The following PRUNE1 variants were observed in gnomAD, a reference collection of about 807,000 sequenced individuals.
PRUNE1 encodes the protein exopolyphosphatase PRUNE1.
Under a neutral mutation model 42.5 loss-of-function variants are expected in PRUNE1, and 25 were observed. The observed-to-expected ratio is 0.59, with a 90% CI of 0.43 to 0.82. The LOEUF is 0.82. Ranked by LOEUF, PRUNE1 falls within the 40% of genes least tolerant of loss-of-function variation. The pLI is 0.00. For missense variants in PRUNE1, 443 were observed against 539.3 expected (o/e 0.82, Z 1.77); for synonymous variants, 203 against 217.1 (o/e 0.93, Z 0.57).
At chr1:151,013,279 G>A (rs1458032507) in intron 1 of PRUNE1, among the ~76,000 whole-genome samples, 1 of 152,154 alleles carries the variant, frequency 6.6e-6, no homozygotes. Flanking sequence ...GGTGACAGTG[G>A]GTGTTGACAG....
rs1338031856 is a variant in PRUNE1, at chr1:151,008,477, G to C, written c.-156G>C. 2.6e-6 allele frequency: 3 copies of C among 1,175,866 alleles called. No homozygotes were observed. The highest frequency in any genetic ancestry group is 2.5e-6 in the Non-Finnish European group (2 of 803,736). The allele number at this position is 1,175,866 out of a possible 1,614,324, so 72.8% of individuals were successfully genotyped here. ...CGCTTACGCAGTTCCTCCCGGGGTCGGAGGCCGATTCGCCGTGTGGCGGGT... is the reference window on the plus strand; with the variant it reads ...CGCTTACGCAGTTCCTCCCGGGGTCCGAGGCCGATTCGCCGTGTGGCGGGT... On this transcript the variant is annotated 5_prime_UTR_variant, in exon 1 of 8. Transcript: ENST00000271620.
rs1452345815 is a variant in PRUNE1 at position 151,035,248 on chromosome 1, T to A, written c.*1014T>A. 1 of 152,260 alleles carries A rather than the reference T, an allele frequency of 6.6e-6. No homozygotes were observed. Among genetic ancestry groups the A allele is most frequent in the African/African-American group, 2.4e-5 (1 of 41,454 alleles). The allele number at this position is 152,260 out of a possible 1,614,324, so 9.4% of individuals were successfully genotyped here. A position where few individuals can be genotyped will look rare whatever the true frequency, so the allele number is the denominator to read the frequency against. ...CTGCCTCTTGCTGCCATTCTTTCTC[T>A]CCTCTGCTTCTCTGTATTTTTCTTC... is the stretch of plus-strand genomic sequence containing the variant. On this transcript the variant is annotated 3_prime_UTR_variant, in exon 8 of 8. Transcript: ENST00000271620.
At chr1:151,014,447 A>C (rs760588406) in intron 1 of PRUNE1, among the ~76,000 whole-genome samples, 1 of 152,072 alleles carries the variant, frequency 6.6e-6, no homozygotes, top group Non-Finnish European at 1.5e-5. Flanking sequence ...TAAAAACAAA[A>C]ACCTATCTCG....
At chr1:151,016,798 A>G (rs4418603) in intron 1 of PRUNE1, among the ~76,000 whole-genome samples, 13,486 of 150,154 alleles carry the variant, frequency 0.09, 747 homozygotes, top group African/African-American at 0.16. Flanking sequence ...CACCACGCCC[A>G]GCCCTGGACT....
intron 7 of PRUNE1, among the ~76,000 whole-genome samples, 165 bp from the exon 8 acceptor site, chr1:151,033,641 C>G (rs185111354): frequency 1.3e-5 from 2 of 148,710 alleles, no homozygotes; most frequent in Admixed American, 6.7e-5. Flanking sequence ...CCACCCGCCT[C>G]GGCCTCCCAA....
intron 1 of PRUNE1, among the ~76,000 whole-genome samples, chr1:151,016,012 G>A (rs922617680): frequency 3.9e-5 from 6 of 152,068 alleles, no homozygotes; most frequent in African/African-American, 9.7e-5. Context: ...TGAGGTGGGC[G>A]GATCACTGGA....
At chr1:151,024,530 G>A (rs1007955408) in intron 3 of PRUNE1, 81 bp from the exon 4 acceptor site, 16 of 1,310,522 alleles carry the variant, frequency 1.2e-5, no homozygotes, top group Middle Eastern at 3.8e-4. Context: ...TCCTTGATGT[G>A]TGGGGTAGAG....
intron 5 of PRUNE1, among the ~76,000 whole-genome samples, chr1:151,026,847 C>CTTTTT (rs766393235): frequency 2.4e-4 from 31 of 128,604 alleles, no homozygotes; most frequent in African/African-American, 4.0e-4. Context: ...TTCTTTCTTT[C>CTTTTT]TTTTTTTTTT....
intron 1 of PRUNE1, 99 bp downstream of exon 1, chr1:151,008,770 G>A: frequency 7.4e-7 from 1 of 1,356,896 alleles, no homozygotes; most frequent in Non-Finnish European, 1.1e-6. Context: ...CGTGTGGAGG[G>A]AACACTGAGT....
At chr1:151,027,185 G>T in intron 5 of PRUNE1, 48 bp from the exon 6 acceptor site, 1 of 1,428,836 alleles carries the variant, frequency 7.0e-7, no homozygotes, top group South Asian at 1.2e-5. Flanking sequence ...TTGGTCTTGG[G>T]ACCCTGGCCT....
At chr1:151,012,609 G>T (rs587756475) in intron 1 of PRUNE1, among the ~76,000 whole-genome samples, 58 of 152,190 alleles carry the variant, frequency 3.8e-4, no homozygotes, top group Admixed American at 1.4e-3. Flanking sequence ...TGTTCAGGAA[G>T]GCTTCACAGA....
chr1:151,024,582 C>A (rs1271872318), intron 3 of PRUNE1, 29 bp from the exon 4 acceptor site: 2 of 1,563,916 alleles, frequency 1.3e-6, no homozygotes, highest in African/African-American at 1.4e-5. Context: ...TATCTTTCTT[C>A]CTCTTTTCCC....
In PRUNE1 at chr1:151,027,222, C is replaced by T; in HGVS notation, c.680-11C>T. 1 of 1,590,610 alleles carries T rather than the reference C, an allele frequency of 6.3e-7. No homozygotes were observed. Among genetic ancestry groups the T allele is most frequent in the East Asian group, 2.2e-5 (1 of 44,696 alleles). On this transcript the variant is annotated splice_polypyrimidine_tract_variant and intron_variant, in intron 5 of 7. Transcript: ENST00000271620. ...CCCTGTTTGACCCCTAGTCTCTCAT[C>T]TGCTTTCTAGGACTGACCACTGAGC...
intron 7 of PRUNE1, among the ~76,000 whole-genome samples, chr1:151,029,161 T>C (rs1298981961): frequency 6.6e-6 from 1 of 150,962 alleles, no homozygotes; most frequent in Non-Finnish European, 1.5e-5. Context: ...TTAATGAACA[T>C]CCTTAATCAT....
intron 7 of PRUNE1, among the ~76,000 whole-genome samples, chr1:151,031,350 A>AT (rs1248918989): frequency 2.7e-5 from 4 of 150,898 alleles, no homozygotes; most frequent in Admixed American, 6.6e-5. Context: ...TGGCTAGCTA[A>AT]TTTTTTTTGT....
At position 151,027,488 on chromosome 1, in the gene PRUNE1, T is replaced by C. The variant is rs143163728; in HGVS notation, c.774+161T>C. Among the ~76,000 whole-genome samples the C allele has an allele frequency of 2.0e-5, 3 of 152,242 alleles. No individual in the cohort carries two copies. In the East Asian group the frequency reaches 5.8e-4, roughly 29 times the overall value. On this transcript the variant is annotated intron_variant, in intron 6 of 7. Transcript: ENST00000271620. Reference sequence around the variant, plus strand: ...ACCACCAGAGTCCAGCATCTCTCACTGCACCGCTGTATTAGCCTCAGTACT... The same window carrying C: ...ACCACCAGAGTCCAGCATCTCTCACCGCACCGCTGTATTAGCCTCAGTACT...
intron 1 of PRUNE1, among the ~76,000 whole-genome samples, chr1:151,010,368 G>T (rs960705835): frequency 7.9e-5 from 12 of 152,172 alleles, no homozygotes; most frequent in Admixed American, 6.5e-5. Flanking sequence ...ACAGGTGTTA[G>T]CCACTGTACC....
chr1:151,033,691 G>C (rs587669184), intron 7 of PRUNE1, 115 bp from the exon 8 acceptor site: 3 of 1,076,594 alleles, frequency 2.8e-6, no homozygotes, highest in Admixed American at 4.8e-5. Flanking sequence ...CACCCCGCCC[G>C]GCCGACTTAC....
rs1674772619 is a variant in PRUNE1, at chr1:151,025,500, C to T, written c.521-15C>T. ...GGTCACAGGATTCAAGTTCCACCAT[C>T]TCCCTTCTCCACAGGAACCATCATC... On this transcript the variant is annotated splice_polypyrimidine_tract_variant and intron_variant, in intron 4 of 7. Coordinates refer to ENST00000271620, the MANE Select transcript of PRUNE1 (RefSeq NM_021222.3). 4 of 1,609,670 alleles carry T rather than the reference C, an allele frequency of 2.5e-6. No individual in the cohort carries two copies. Among genetic ancestry groups the T allele is most frequent in the Non-Finnish European group, 3.4e-6 (4 of 1,178,114 alleles).
Sources: gnomAD v4.1 joint callset for allele counts (sites outside exome capture counted in the v4.1 genomes callset) on GRCh38, gnomAD v4.1.1 for gene constraint, MANE v1.5 for transcripts, NCBI Gene and HGNC (gene_info 2026-07-23, HGNC 2026-07-21) for gene names.